PRMT8: variants seen among roughly 807,000 people sequenced by gnomAD.
The protein encoded by PRMT8 is protein arginine N-methyltransferase 8.
PRMT8 carries 7 observed loss-of-function variants against 47.1 expected under a neutral mutation model. The ratio of observed to expected loss-of-function variants is 0.15; its 90% CI spans 0.08 to 0.28. PRMT8 has a LOEUF of 0.28. Among genes scored for constraint, PRMT8 ranks in the 10% least tolerant of loss-of-function variants. The pLI, the probability that PRMT8 is intolerant of heterozygous loss-of-function variation, is 1.00. For missense variants in PRMT8, 237 were observed against 505.4 expected, an observed-to-expected ratio of 0.47 and a Z score of 5.09; for synonymous variants, 188 against 186.5, an observed-to-expected ratio of 1.01 and a Z score of -0.07.
intron 1 of PRMT8, among the ~76,000 whole-genome samples, chr12:3,384,236 C>A (rs1864119385): frequency 6.6e-6 from 1 of 150,716 alleles, no homozygotes; most frequent in East Asian, 1.9e-4. Context: ...TCAGGTTGAG[C>A]AAGTTCCCCT....
At position 3,459,718 on chromosome 12, in the gene PRMT8, G is replaced by T. The variant is rs188070566; in HGVS notation, c.48+78276G>T. ...AGAGGAGCAGGGAGAAGGGCAGGGG[G>T]TTGGTTGGTGTCTGCAGCAGTGATG... On this transcript the variant is annotated intron_variant, in intron 1 of 9. Transcript: ENST00000452611. 3.8e-3 allele frequency among the ~76,000 whole-genome samples: 575 copies of T among 152,290 alleles called. 4 individuals are homozygous for T. The highest frequency in any genetic ancestry group is 0.013 in the African/African-American group (521 of 41,560).
chr12:3,395,080 C>G (rs1033151947), intron 1 of PRMT8, among the ~76,000 whole-genome samples: 4 of 150,210 alleles, frequency 2.7e-5, no homozygotes, highest in African/African-American at 9.8e-5. Flanking sequence ...TTTTTTATTG[C>G]GTCTATTTGA....
In PRMT8 at chr12:3,540,761, C is replaced by T. The variant is rs746913579; in HGVS notation, c.231C>T (p.Phe77=). The change falls in exon 2 of 10, where the codon TTC becomes TTT. Residue 77 remains phenylalanine (F), a synonymous_variant. Coordinates refer to ENST00000382622, the MANE Select transcript of PRMT8 (RefSeq NM_019854.5). The part of the protein sequence containing the change: ...PEEMTSRDYY[F]DSYAHFGIHE... ...AGATGACCTCGAGAGATTATTACTT[C>T]GACTCCTATGCCCACTTTGGGATCC... 38 of 1,613,930 alleles carry T rather than the reference C, an allele frequency of 2.4e-5. No homozygotes were observed. The highest frequency in any genetic ancestry group is 3.3e-5 in the South Asian group (3 of 91,056).
intron 1 of PRMT8, among the ~76,000 whole-genome samples, chr12:3,522,665 A>AAAC (rs1565430210): frequency 6.9e-6 from 1 of 144,194 alleles, no homozygotes; most frequent in African/African-American, 2.6e-5. Context: ...AAAAAAAAAA[A>AAAC]AAACAAGCTC....
intron 2 of PRMT8, 104 bp downstream of exon 2, chr12:3,540,895 A>T: frequency 7.7e-7 from 1 of 1,294,390 alleles, no homozygotes; most frequent in Admixed American, 2.0e-5. Context: ...TGGTAAAGGG[A>T]GTGCTCCCAG....
chr12:3,553,723 T>C lies in PRMT8; in HGVS notation c.481+9T>C, dbSNP rs372630017. Reference sequence around the variant, plus strand: ...CAACCACTTGGACAACAGTAAGACATACCTCTGAGTGTTTTCTCCTGGATG... The same window carrying C: ...CAACCACTTGGACAACAGTAAGACACACCTCTGAGTGTTTTCTCCTGGATG... On this transcript the variant is annotated intron_variant, in intron 4 of 9. Transcript: ENST00000382622. 4.8e-5 allele frequency: 75 copies of C among 1,571,662 alleles called. No individual in the cohort carries two copies. In the African/African-American group the frequency reaches 5.5e-4, roughly 12 times the overall value.
In PRMT8 at chr12:3,564,206, G is replaced by GCCT. The variant is rs1247483383; in HGVS notation, c.482-4500_482-4499insCCT. Among the ~76,000 whole-genome samples the GCCT allele has an allele frequency of 7.9e-5, 12 of 152,076 alleles. No individual in the cohort carries two copies. Among genetic ancestry groups the GCCT allele is most frequent in the Non-Finnish European group, 1.5e-4 (10 of 68,012 alleles). On this transcript the variant is annotated intron_variant, in intron 4 of 9. Transcript: ENST00000382622. The surrounding 1 kb of genome is among the most constrained non-coding windows in gnomAD (Gnocchi z 4.0). ...TTGCTGCAGTGGGGTTGGCAGGGGG[G>GCCT]TCAGGGGGCTTCATAGGCTCATAAT...
Position 3,569,590 on chromosome 12 carries a change from G to A in PRMT8, c.712+26G>A. ...GTAAGTCCCCTCTTGCTTCTCCGGT[G>A]GACTTCCACTGCACAATTGGGGTGG... On this transcript the variant is annotated intron_variant, in intron 6 of 9. Transcript: ENST00000382622. The surrounding 1 kb of genome is among the most constrained non-coding windows in gnomAD (Gnocchi z 8.2). 6.3e-7 allele frequency: 1 copy of A among 1,594,994 alleles called. No individual in the cohort carries two copies. Among genetic ancestry groups the A allele is most frequent in the Non-Finnish European group, 8.6e-7 (1 of 1,162,644 alleles).
chr12:3,434,296 A>G (rs1472075568), intron 1 of PRMT8, among the ~76,000 whole-genome samples: 1 of 152,216 alleles, frequency 6.6e-6, no homozygotes, highest in African/African-American at 2.4e-5. Flanking sequence ...TCTGAGGGCT[A>G]CTAGGCACAA....
intron 1 of PRMT8, among the ~76,000 whole-genome samples, chr12:3,455,661 C>A (rs763912848): frequency 1.3e-5 from 2 of 152,180 alleles, no homozygotes; most frequent in Admixed American, 1.3e-4. Context: ...CACCTCCGAA[C>A]CTTCTCCCGG....
At chr12:3,554,876 C>T (rs1412106786) in intron 4 of PRMT8, among the ~76,000 whole-genome samples, 1 of 152,160 alleles carries the variant, frequency 6.6e-6, no homozygotes, top group Non-Finnish European at 1.5e-5. Flanking sequence ...TGCCAGAATT[C>T]CTCTGCCCTC....
At chr12:3,494,175 G>A (rs1865469062) in intron 1 of PRMT8, among the ~76,000 whole-genome samples, 1 of 152,116 alleles carries the variant, frequency 6.6e-6, no homozygotes, top group Admixed American at 6.5e-5. Context: ...ACACCTCTTT[G>A]TCAAGCACCG....
intron 1 of PRMT8, among the ~76,000 whole-genome samples, chr12:3,434,825 G>A (rs1286399850): frequency 1.3e-5 from 2 of 151,740 alleles, no homozygotes; most frequent in African/African-American, 4.8e-5. Flanking sequence ...CAATGAAAAG[G>A]CAAGATTGAT....
chr12:3,413,768 A>AAT (rs1173155105), intron 1 of PRMT8, among the ~76,000 whole-genome samples: 1 of 152,222 alleles, frequency 6.6e-6, no homozygotes, highest in African/African-American at 2.4e-5. Context: ...GGGGGAAAAA[A>AAT]AACCAATAAA....
At chr12:3,470,352 T>C (rs16930508) in intron 1 of PRMT8, among the ~76,000 whole-genome samples, 4,391 of 152,252 alleles carry the variant, frequency 0.029, 220 homozygotes, top group African/African-American at 0.1. Context: ...TAGGACTCAA[T>C]GTGCTCTTAC....
rs1382918927 is a variant in PRMT8 at position 3,493,532 on chromosome 12, C to T, written c.75+1832C>T. Reference sequence around the variant, plus strand: ...AAAAAGTTTTTGCGGTTCCCTTTGCCTCCTACCCCCGCTGCCGCGCGGGGT... The same window carrying T: ...AAAAAGTTTTTGCGGTTCCCTTTGCTTCCTACCCCCGCTGCCGCGCGGGGT... On this transcript the variant is annotated intron_variant, in intron 1 of 9. Transcript: ENST00000382622. The surrounding 1 kb of genome is among the most constrained non-coding windows in gnomAD (Gnocchi z 8.2). Among the ~76,000 whole-genome samples, 3 of 152,116 alleles carry T rather than the reference C, an allele frequency of 2.0e-5. No individual in the cohort carries two copies. The highest frequency in any genetic ancestry group is 2.9e-5 in the Non-Finnish European group (2 of 68,042).
rs1305935727 is a variant in PRMT8, at chr12:3,514,305, C to G, written c.75+22605C>G. 6.6e-6 allele frequency among the ~76,000 whole-genome samples: 1 copy of G among 151,494 alleles called. No individual in the cohort carries two copies. Among genetic ancestry groups the G allele is most frequent in the Non-Finnish European group, 1.5e-5 (1 of 67,986 alleles). On this transcript the variant is annotated intron_variant, in intron 1 of 9. Coordinates refer to ENST00000382622, the MANE Select transcript of PRMT8 (RefSeq NM_019854.5). The surrounding 1 kb of genome is among the most constrained non-coding windows in gnomAD (Gnocchi z 5.9). Reference sequence around the variant, plus strand: ...TCCTCTGAGGTTGGTATCCGGTTGGCTCAGTGTCAGAGCCCTGGCTGGGCT... The same window carrying G: ...TCCTCTGAGGTTGGTATCCGGTTGGGTCAGTGTCAGAGCCCTGGCTGGGCT...
rs1200463786 is a variant in PRMT8, at chr12:3,569,119, A to G, written c.624+271A>G. Among the ~76,000 whole-genome samples, 2 of 152,152 alleles carry G rather than the reference A, an allele frequency of 1.3e-5. No individual in the cohort carries two copies. Among genetic ancestry groups the G allele is most frequent in the African/African-American group, 4.8e-5 (2 of 41,430 alleles). On this transcript the variant is annotated intron_variant, in intron 5 of 9. Coordinates refer to ENST00000382622, the MANE Select transcript of PRMT8 (RefSeq NM_019854.5). The surrounding 1 kb of genome is among the most constrained non-coding windows in gnomAD (Gnocchi z 8.2). ...CATCCGTTCTCTCTTGTCGAGTTAAAGGTCCGTTTCGGTCAGCAAGTACTT... is the reference window on the plus strand; with the variant it reads ...CATCCGTTCTCTCTTGTCGAGTTAAGGGTCCGTTTCGGTCAGCAAGTACTT...
chr12:3,577,263 G>T (rs956778000), intron 7 of PRMT8, among the ~76,000 whole-genome samples: 4 of 152,234 alleles, frequency 2.6e-5, no homozygotes, highest in Non-Finnish European at 2.9e-5. Context: ...GAAGAGAGGG[G>T]CATTGCAGGA....
Sources: allele counts gnomAD v4.1 joint callset (sites outside exome capture counted in the v4.1 genomes callset), GRCh38; gene constraint gnomAD v4.1.1; non-coding constraint Gnocchi (gnomAD v3.1); transcripts MANE v1.5; gene names NCBI Gene and HGNC (gene_info 2026-07-23, HGNC 2026-07-21).